The following PDE1C variants were observed in gnomAD, a reference collection of about 807,000 sequenced individuals.
The protein encoded by PDE1C is dual specificity calcium/calmodulin-dependent 3',5'-cyclic nucleotide phosphodiesterase 1C.
A neutral mutation model predicts 93.1 loss-of-function variants in PDE1C; 62 were observed. The ratio of observed to expected loss-of-function variants is 0.67; its 90% CI spans 0.54 to 0.82. The LOEUF is 0.82. Among genes scored for constraint, PDE1C ranks in the 40% least tolerant of loss-of-function variants. The pLI is 0.00. For missense variants in PDE1C, 742 were observed against 884.6 expected (o/e 0.84, Z 2.04); for synonymous variants, 325 against 310.1 (o/e 1.05, Z -0.50).
At chr7:31,992,629 C>G (rs1784274943) in intron 2 of PDE1C, among the ~76,000 whole-genome samples, 1 of 152,138 alleles carries the variant, frequency 6.6e-6, no homozygotes, top group Non-Finnish European at 1.5e-5. Flanking sequence ...GTACAGCAAC[C>G]CTAAGTCAAG....
At chr7:32,034,639 G>A (rs1412578523) in intron 2 of PDE1C, among the ~76,000 whole-genome samples, 1 of 152,090 alleles carries the variant, frequency 6.6e-6, no homozygotes, top group Non-Finnish European at 1.5e-5. Context: ...CCTCCAAACA[G>A]TACTGATGTG....
In PDE1C at chr7:31,880,946, C is replaced by T. The variant is rs151191897; in HGVS notation, c.129-86G>A. 7.4e-3 allele frequency: 6,219 copies of T among 836,286 alleles called. 284 individuals are homozygous for T. The Admixed American group carries it at 0.098, about 13-fold the overall frequency. 51.8% of individuals were successfully genotyped at this position (836,286 alleles called of 1,614,324 possible). On this transcript the variant is annotated intron_variant, in intron 2 of 17. Coordinates refer to ENST00000396191, the MANE Select transcript of PDE1C (RefSeq NM_001191057.4). ...CTATGGTGATACATTTTACAGTCAT[C>T]GAATATTCTCACTTATTCTGATACA...
chr7:32,286,435 T>C (rs754884327), intron 1 of PDE1C, among the ~76,000 whole-genome samples: 8 of 152,238 alleles, frequency 5.3e-5, no homozygotes, highest in Non-Finnish European at 1.2e-4. Context: ...GAAGAGCATT[T>C]GGCATACAGC....
intron 11 of PDE1C, among the ~76,000 whole-genome samples, chr7:31,833,831 C>A (rs181682888): frequency 1.3e-5 from 2 of 152,304 alleles, no homozygotes; most frequent in Non-Finnish European, 2.9e-5. Context: ...AAAAGAAAAA[C>A]CCATTTTCTG....
chr7:31,625,564 T>C, the PDE1C span, among the ~76,000 whole-genome samples: 3 of 152,014 alleles, frequency 2.0e-5, no homozygotes, highest in Non-Finnish European at 4.4e-5. Context: ...TAGGTGGGAA[T>C]TGAACAATGG....
chr7:32,222,134 GCACA>G (rs2128855070), intron 1 of PDE1C, among the ~76,000 whole-genome samples: 1 of 152,188 alleles, frequency 6.6e-6, no homozygotes, highest in Admixed American at 6.5e-5. Flanking sequence ...ATGCACATAT[GCACA>G]CACATACACA....
At chr7:31,926,241 T>C (rs1019993192) in intron 2 of PDE1C, among the ~76,000 whole-genome samples, 8 of 152,192 alleles carry the variant, frequency 5.3e-5, no homozygotes, top group African/African-American at 9.7e-5. Flanking sequence ...GAGTCATTCA[T>C]TGGCCTGTGA....
intron 3 of PDE1C, among the ~76,000 whole-genome samples, chr7:32,157,481 A>T (rs1313374106): frequency 1.3e-5 from 2 of 152,162 alleles, no homozygotes; most frequent in African/African-American, 4.8e-5. Flanking sequence ...TACAAAAAAA[A>T]TAAAATACGG....
At chr7:32,245,968 C>CTTTTTTTTTT (rs369247468) in intron 1 of PDE1C, among the ~76,000 whole-genome samples, 4 of 94,830 alleles carry the variant, frequency 4.2e-5, no homozygotes, top group Non-Finnish European at 6.5e-5. Flanking sequence ...TTTTTCTTTT[C>CTTTTTTTTTT]TTTTTTTTTT....
chr7:31,822,889 G>A (rs986482389), intron 14 of PDE1C, among the ~76,000 whole-genome samples, 184 bp downstream of exon 14: 3 of 152,134 alleles, frequency 2.0e-5, no homozygotes, highest in Non-Finnish European at 2.9e-5. Flanking sequence ...AGGCTTGCAG[G>A]TCTGCTGCAT....
the PDE1C span, chr7:31,651,359 G>T: frequency 7.0e-7 from 1 of 1,425,944 alleles, no homozygotes; most frequent in Admixed American, 2.3e-5. Flanking sequence ...GAGCACCCTG[G>T]AGCAGAGCTA....
chr7:31,910,907 T>C (rs984140693), intron 2 of PDE1C, among the ~76,000 whole-genome samples: 3 of 152,212 alleles, frequency 2.0e-5, no homozygotes, highest in Non-Finnish European at 4.4e-5. Flanking sequence ...TTCAAAACAA[T>C]TGTGGTGCAC....
At chr7:32,019,571 T>C (rs1322120911) in intron 2 of PDE1C, among the ~76,000 whole-genome samples, 1 of 152,110 alleles carries the variant, frequency 6.6e-6, no homozygotes. Context: ...CAGCTACATA[T>C]GACTTGAAGG....
chr7:31,830,980 C>T (rs1790311667), intron 11 of PDE1C, among the ~76,000 whole-genome samples: 1 of 152,120 alleles, frequency 6.6e-6, no homozygotes, highest in Non-Finnish European at 1.5e-5. Context: ...ATGTAAGCAG[C>T]AAACCAGTCA....
downstream of PDE1C, among the ~76,000 whole-genome samples, chr7:31,747,905 T>C (rs932927318): frequency 3.3e-5 from 5 of 150,744 alleles, no homozygotes; most frequent in Non-Finnish European, 5.9e-5. Context: ...TCTGGCCATA[T>C]AACTCCTGAG....
the PDE1C span, among the ~76,000 whole-genome samples, chr7:31,717,235 AT>A: frequency 2.0e-5 from 3 of 152,236 alleles, no homozygotes; most frequent in Admixed American, 2.0e-4. Flanking sequence ...AATTTTTACT[AT>A]TTTGAATTTC....
intron 1 of PDE1C, among the ~76,000 whole-genome samples, chr7:32,234,788 T>C (rs1807952369): frequency 1.3e-5 from 2 of 152,010 alleles, no homozygotes; most frequent in Admixed American, 6.6e-5. Flanking sequence ...ATTACTCTGA[T>C]ACCAAAACCA....
At chr7:31,814,642 T>C (rs1184260601) in intron 15 of PDE1C, among the ~76,000 whole-genome samples, 2 of 150,594 alleles carry the variant, frequency 1.3e-5, no homozygotes, top group African/African-American at 4.9e-5. Flanking sequence ...CTGAGTAGAT[T>C]ACCTGGTCGC....
chr7:32,024,480 C>T (rs1296948620), intron 2 of PDE1C, among the ~76,000 whole-genome samples: 3 of 149,388 alleles, frequency 2.0e-5, no homozygotes, highest in Admixed American at 1.3e-4. Context: ...CATTCTCTTC[C>T]AATAAGCAAA....
Sources: gnomAD v4.1 joint callset for allele counts (sites outside exome capture counted in the v4.1 genomes callset) on GRCh38, gnomAD v4.1.1 for gene constraint, MANE v1.5 for transcripts, NCBI Gene and HGNC (gene_info 2026-07-23, HGNC 2026-07-21) for gene names.